ZNF292: variants seen among roughly 807,000 people sequenced by gnomAD.
The protein encoded by ZNF292 is 16 zinc-finger domain protein.
Under a neutral mutation model 217.9 loss-of-function variants are expected in ZNF292, and 26 were observed. The observed-to-expected ratio is 0.12, with a 90% confidence interval of 0.09 to 0.17. The LOEUF is 0.17. ZNF292 is among the 10% of genes least tolerant of loss of function. The pLI is 1.00. For synonymous variants in ZNF292, 1,257 were observed against 1,124.1 expected, an observed-to-expected ratio of 1.12 and a Z score of -2.37; for missense variants, 2,904 against 3,175.2, an observed-to-expected ratio of 0.91 and a Z score of 2.05.
At chr6:87,226,622 A>AGT (rs1773355468) in intron 4 of ZNF292, among the ~76,000 whole-genome samples, 1 of 147,418 alleles carries the variant, frequency 6.8e-6, no homozygotes, top group Non-Finnish European at 1.5e-5. Flanking sequence ...ATTATTTTTT[A>AGT]GTGTGTGTAT....
chr6:87,227,773 GCTTA>G (rs1773431007), intron 4 of ZNF292, among the ~76,000 whole-genome samples: 1 of 152,104 alleles, frequency 6.6e-6, no homozygotes, highest in African/African-American at 2.4e-5. Flanking sequence ...GAAAGGATTT[GCTTA>G]CTTTTTAATG....
chr6:87,239,719 G>A lies in ZNF292; in HGVS notation c.742-3756G>A, dbSNP rs1359014943. Among the ~76,000 whole-genome samples the A allele has an allele frequency of 6.5e-5, 9 of 137,770 alleles. 1 individual carries two copies. The highest frequency in any genetic ancestry group is 4.9e-4 in the South Asian group (2 of 4,078). The allele number at this position is 137,770 out of a possible 152,430, so 90.4% of individuals were successfully genotyped here. On this transcript the variant is annotated intron_variant, in intron 5 of 7. Transcript: ENST00000369577. Reference sequence around the variant, plus strand: ...GGCTCCTCACCTCCCAGACGGGGTCGCGGCTGGGCAGAGGCGCTCCTCACA... The same window carrying A: ...GGCTCCTCACCTCCCAGACGGGGTCACGGCTGGGCAGAGGCGCTCCTCACA...
At chr6:87,179,497 CTG>C (rs758244699) in intron 1 of ZNF292, among the ~76,000 whole-genome samples, 8 of 152,048 alleles carry the variant, frequency 5.3e-5, no homozygotes, top group Non-Finnish European at 7.4e-5. Flanking sequence ...AGTATGTAAA[CTG>C]TGGAGAGAAG....
In ZNF292 at chr6:87,233,880, G is replaced by A. The variant is rs181476591; in HGVS notation, c.741+353G>A. ...AGATACTTGCACATCTTTTAAACTG[G>A]CTAATTTAAGTAACTTTATAGAATT... On this transcript the variant is annotated intron_variant, in intron 5 of 7. Coordinates refer to ENST00000369577, the MANE Select transcript of ZNF292 (RefSeq NM_015021.3). Among the ~76,000 whole-genome samples the A allele has an allele frequency of 5.9e-5, 9 of 152,166 alleles. No individual in the cohort carries two copies. The East Asian group carries it at 1.7e-3, about 29-fold the overall frequency.
At chr6:87,178,721 T>G (rs1771378517) in intron 1 of ZNF292, among the ~76,000 whole-genome samples, 1 of 152,182 alleles carries the variant, frequency 6.6e-6, no homozygotes, top group Non-Finnish European at 1.5e-5. Context: ...GTCAAGTAAC[T>G]AGGAATTTTT....
intron 4 of ZNF292, chr6:87,222,654 A>AT (rs1203621363): frequency 3.0e-6 from 1 of 333,456 alleles, no homozygotes; most frequent in African/African-American, 2.1e-5. Context: ...AATATCTTAC[A>AT]TTAGTTTGGT....
chr6:87,166,044 C>A (rs1770902658), intron 1 of ZNF292, among the ~76,000 whole-genome samples: 1 of 152,270 alleles, frequency 6.6e-6, no homozygotes, highest in Non-Finnish European at 1.5e-5. Context: ...AGGCGGGAGC[C>A]CTGTCACCTG....
intron 4 of ZNF292, among the ~76,000 whole-genome samples, chr6:87,227,389 T>G (rs573955969): frequency 1.3e-5 from 2 of 152,326 alleles, no homozygotes; most frequent in South Asian, 4.1e-4. Flanking sequence ...TGGATTTTTT[T>G]TTGACCAACA....
intron 6 of ZNF292, 135 bp from the exon 7 acceptor site, chr6:87,245,368 T>G: frequency 2.0e-6 from 1 of 489,222 alleles, no homozygotes; most frequent in South Asian, 5.6e-5. Context: ...TCTGTTTTCT[T>G]GCATTTTAAC....
At chr6:87,166,470 C>T (rs1441427425) in intron 1 of ZNF292, among the ~76,000 whole-genome samples, 2 of 152,190 alleles carry the variant, frequency 1.3e-5, no homozygotes, top group African/African-American at 4.8e-5. Flanking sequence ...TAGTAAGAGA[C>T]ACTGGTGAAG....
intron 7 of ZNF292, among the ~76,000 whole-genome samples, chr6:87,247,934 C>T (rs1306667178): frequency 6.6e-6 from 1 of 152,140 alleles, no homozygotes; most frequent in Non-Finnish European, 1.5e-5. Context: ...ATGGATTATA[C>T]AGATTAGACA....
At position 87,258,266 on chromosome 6, in the gene ZNF292, T is replaced by G. The variant is rs202157248; in HGVS notation, c.4637T>G (p.Leu1546Trp). 15 of 1,613,250 alleles carry G rather than the reference T, an allele frequency of 9.3e-6. No individual in the cohort carries two copies. Among genetic ancestry groups the G allele is most frequent in the Non-Finnish European group, 1.3e-5 (15 of 1,179,644 alleles). Residue 1546 changes from leucine to tryptophan, a missense_variant, in exon 8 of 8, where the codon TTG becomes TGG. Leu to Trp is a moderately conservative substitution (Grantham distance 61). Around this residue, in one of 15 missense-constraint regions of ZNF292, gnomAD observed 622 missense variants for 573.1 expected, o/e 1.09. Transcript: ENST00000369577. ...LLHTVCHPNT[L>W]LTNQNRTSNS... ...CACACTGTATGCCATCCAAACACCT[T>G]GCTGACCAACCAGAATAGGACGTCA...
rs1775655896 is a variant in ZNF292 at position 87,262,485 on chromosome 6, TC to T, written c.*685del. 6.6e-6 allele frequency: 1 copy of T among 151,496 alleles called. No individual in the cohort carries two copies. The highest frequency in any genetic ancestry group is 2.1e-4 in the South Asian group (1 of 4,828). 9.4% of individuals were successfully genotyped at this position (151,496 alleles called of 1,614,324 possible). On this transcript the variant is annotated 3_prime_UTR_variant, in exon 8 of 8. Transcript: ENST00000369577. ...GTATTCATGTGAAATTAAAGCAGAT[TC>T]TCTAGCAGTTTCCTATAGCTACAGT...
At position 87,257,172 on chromosome 6, in the gene ZNF292, G is replaced by C; in HGVS notation, c.3543G>C (p.Ser1181=). 2 of 1,613,738 alleles carry C rather than the reference G, an allele frequency of 1.2e-6. No homozygotes were observed. Among genetic ancestry groups the C allele is most frequent in the Non-Finnish European group, 8.5e-7 (1 of 1,179,838 alleles). Reference sequence around the variant, plus strand: ...AAGCCAATGGGAATCCTGCTTGTTCGGCCCAGTTGCAGCATGTCTCGCCAC... The same window carrying C: ...AAGCCAATGGGAATCCTGCTTGTTCCGCCCAGTTGCAGCATGTCTCGCCAC... ...QTKANGNPAC[S]AQLQHVSPPI... Residue 1181 remains serine (S), a synonymous_variant, in exon 8 of 8, where the codon TCG becomes TCC. Coordinates refer to ENST00000369577, the MANE Select transcript of ZNF292 (RefSeq NM_015021.3).
chr6:87,168,771 A>G (rs1408571906), intron 1 of ZNF292, among the ~76,000 whole-genome samples: 1 of 151,990 alleles, frequency 6.6e-6, no homozygotes, highest in Non-Finnish European at 1.5e-5. Flanking sequence ...TGCCTGGCCA[A>G]TAACAGGTTT....
intron 5 of ZNF292, among the ~76,000 whole-genome samples, chr6:87,240,816 G>A (rs1245483878): frequency 1.3e-5 from 2 of 152,162 alleles, no homozygotes; most frequent in Non-Finnish European, 2.9e-5. Context: ...ACCCGAACAA[G>A]TAAAAATCTG....
At position 87,264,054 on chromosome 6, in the gene ZNF292, A is replaced by C. The variant is rs555351980; in HGVS notation, c.*2253A>C. 6.6e-6 allele frequency: 1 copy of C among 152,068 alleles called. No homozygotes were observed. Among genetic ancestry groups the C allele is most frequent in the African/African-American group, 2.4e-5 (1 of 41,488 alleles). 9.4% of individuals were successfully genotyped at this position (152,068 alleles called of 1,614,324 possible). ...GTAATGTATACTAAAGGTAATTATG[A>C]GAGTGGGCTTTTTAGCATGAAACAA... On this transcript the variant is annotated 3_prime_UTR_variant, in exon 8 of 8. Transcript: ENST00000369577.
intron 1 of ZNF292, among the ~76,000 whole-genome samples, chr6:87,166,671 A>G (rs1401306442): frequency 8.5e-5 from 13 of 152,182 alleles, no homozygotes; most frequent in Non-Finnish European, 1.5e-5. Flanking sequence ...CTTGTATAGC[A>G]TGGATTTTTC....
chr6:87,200,261 A>G (rs1241117831), intron 1 of ZNF292, among the ~76,000 whole-genome samples: 1 of 152,234 alleles, frequency 6.6e-6, no homozygotes, highest in Non-Finnish European at 1.5e-5. Context: ...GTCACAATGT[A>G]AAGGTACAGA....
Sources: gnomAD v4.1 joint callset for allele counts (sites outside exome capture counted in the v4.1 genomes callset) on GRCh38, gnomAD v4.1.1 for gene constraint, gnomAD v4.1.1 regional missense constraint, MANE v1.5 for transcripts, NCBI Gene and HGNC (gene_info 2026-07-23, HGNC 2026-07-21) for gene names.